Variants in KHSRP observed in about 807,000 individuals in gnomAD.
The protein encoded by KHSRP is far upstream element-binding protein 2.
Under a neutral mutation model 94.9 loss-of-function variants are expected in KHSRP, and 13 were observed. That is an observed-to-expected ratio of 0.14 (90% confidence interval 0.09 to 0.22). The LOEUF (loss-of-function observed/expected upper bound fraction) is 0.22, where lower values mean the gene tolerates loss of function less well. Among genes scored for constraint, KHSRP ranks in the 10% least tolerant of loss-of-function variants. The probability of loss-of-function intolerance (pLI) is 1.00; values close to 1 mark genes in which losing one functional copy is unlikely to be tolerated. For synonymous variants in KHSRP, 495 were observed against 401.4 expected, an observed-to-expected ratio of 1.23 and a Z score of -2.79; for missense variants, 710 against 1,010.0, an observed-to-expected ratio of 0.70 and a Z score of 4.03.
In KHSRP at chr19:6,415,859, C is replaced by T; in HGVS notation, c.1636G>A (p.Gly546Ser). Residue 546 changes from glycine (G) to serine (S), a missense_variant, in exon 16 of 19, where the codon GGC (glycine) becomes AGC (serine). Gly to Ser is a moderately conservative substitution (Grantham distance 56). Around this residue, in one of 5 missense-constraint regions of KHSRP, gnomAD observed 292 missense variants for 340.5 expected, o/e 0.86. Coordinates refer to ENST00000600480, the MANE Select transcript of KHSRP (RefSeq NM_001366299.1). Reference protein sequence around the residue: ...GPPPHQYPPQGWGNTYPQWQP... With the variant: ...GPPPHQYPPQSWGNTYPQWQP... ...CACTGGGGGTAGGTATTGCCCCAGC[C>T]CTGGGGTGGGTACTGGTGAGGAGGG... 6.4e-7 allele frequency: 1 copy of T among 1,566,930 alleles called. No individual in the cohort carries two copies. The highest frequency in any genetic ancestry group is 1.3e-5 in the African/African-American group (1 of 74,104).
Position 6,419,215 on chromosome 19 carries a change from G to T in KHSRP, c.593C>A (p.Pro198Gln). The change falls in exon 7 of 19, where the codon CCA becomes CAA. Residue 198 changes from proline (P) to glutamine (Q), a missense_variant. By Grantham distance (76) the Pro-to-Gln change is moderately conservative (BLOSUM62 -1). This residue lies in a region of KHSRP where 288 missense variants were observed against 501.1 expected (regional missense o/e 0.57). Transcript: ENST00000600480. ...PERSVSLTGA[P>Q]ESVQKAKMML... ...TGTGGGGACTTACTGGACAGATTCT[G>T]GGGCTCCTGTCAAGGACACACTGCG... is the stretch of plus-strand genomic sequence containing the variant. 6.3e-7 allele frequency: 1 copy of T among 1,584,084 alleles called. No individual in the cohort carries two copies. The highest frequency in any genetic ancestry group is 8.6e-7 in the Non-Finnish European group (1 of 1,165,296).
Position 6,424,800 on chromosome 19 carries a change from G to T in KHSRP, c.-99C>A, listed in dbSNP as rs1034173095. 8.7e-5 allele frequency: 29 copies of T among 334,276 alleles called. No homozygotes were observed. Among genetic ancestry groups the T allele is most frequent in the Non-Finnish European group, 1.2e-4 (27 of 233,134 alleles). The allele number at this position is 334,276 out of a possible 1,614,324, so 20.7% of individuals were successfully genotyped here. A position where few individuals can be genotyped will look rare whatever the true frequency, so the allele number is the denominator to read the frequency against. ...GAACAAGGCCTCGCTCCACACGGCCGCGGAGCACTCTGGGAACCCAGCCGC... is the reference window on the plus strand; with the variant it reads ...GAACAAGGCCTCGCTCCACACGGCCTCGGAGCACTCTGGGAACCCAGCCGC... On this transcript the variant is annotated 5_prime_UTR_variant, in exon 1 of 19. Transcript: ENST00000600480.
Position 6,417,726 on chromosome 19 carries a change from G to C in KHSRP, c.1081+13C>G. 2 of 1,608,812 alleles carry C rather than the reference G, an allele frequency of 1.2e-6. No individual in the cohort carries two copies. The highest frequency in any genetic ancestry group is 8.5e-7 in the Non-Finnish European group (1 of 1,175,714). On this transcript the variant is annotated intron_variant, in intron 11 of 18. Coordinates refer to ENST00000600480, the MANE Select transcript of KHSRP (RefSeq NM_001366299.1). ...GGTGCACTGGCCAGGGGCAGGGTGG[G>C]CCAGGCCCTGACCTTGCTTGAACTG... is the stretch of plus-strand genomic sequence containing the variant.
Position 6,422,254 on chromosome 19 carries a change from A to AC in KHSRP, c.346+85dup, listed in dbSNP as rs1184446265. 7 of 804,346 alleles carry AC rather than the reference A, an allele frequency of 8.7e-6. No individual in the cohort carries two copies. The Admixed American group carries it at 1.4e-4, about 16-fold the overall frequency. The allele number at this position is 804,346 out of a possible 1,614,324, so 49.8% of individuals were successfully genotyped here. ...AAAAGACCAAACAACAGTGACACCCACCCCCTCTGAACCACACTCAAACAA... is the reference window on the plus strand; with the variant it reads ...AAAAGACCAAACAACAGTGACACCCACCCCCCTCTGAACCACACTCAAACAA... On this transcript the variant is annotated intron_variant, in intron 2 of 18. Transcript: ENST00000600480.
chr19:6,414,816 C>T lies in KHSRP; in HGVS notation c.*208G>A, dbSNP rs952128720. 4.9e-5 allele frequency: 60 copies of T among 1,213,708 alleles called. No homozygotes were observed. Among genetic ancestry groups the T allele is most frequent in the African/African-American group, 4.1e-4 (26 of 63,680 alleles). The allele number at this position is 1,213,708 out of a possible 1,614,324, so 75.2% of individuals were successfully genotyped here. A position where few individuals can be genotyped will look rare whatever the true frequency, so the allele number is the denominator to read the frequency against. ...CGGCCGGGCCGGTGCCCACCGTCCG[C>T]GCTGTCTGCCTGCCCCCCGACTCCC... On this transcript the variant is annotated 3_prime_UTR_variant, in exon 19 of 19. Transcript: ENST00000600480.
At chr19:6,424,014 CCCA>C (rs976014350) in intron 1 of KHSRP, 1 of 152,432 alleles carries the variant, frequency 6.6e-6, no homozygotes, top group Non-Finnish European at 1.5e-5. Flanking sequence ...CCCTCCCACC[CCCA>C]CAATGTCCCT....
At chr19:6,422,266 C>T in intron 2 of KHSRP, 74 bp downstream of exon 2, 1 of 987,252 alleles carries the variant, frequency 1.0e-6, no homozygotes, top group Non-Finnish European at 1.6e-6. Flanking sequence ...CCCCTCTGAA[C>T]CACACTCAAA....
intron 2 of KHSRP, among the ~76,000 whole-genome samples, chr19:6,421,903 G>C (rs956717434): frequency 4.6e-5 from 7 of 152,162 alleles, no homozygotes; most frequent in African/African-American, 1.7e-4. Flanking sequence ...TTCAGAACAC[G>C]CAACCACCAC....
intron 3 of KHSRP, 90 bp downstream of exon 3, chr19:6,421,560 C>A: frequency 4.2e-6 from 6 of 1,419,218 alleles, no homozygotes; most frequent in Non-Finnish European, 6.0e-6. Context: ...CTGTAAAGAG[C>A]TGCCACCTCC....
chr19:6,417,909 A>G, intron 10 of KHSRP, 68 bp from the exon 11 acceptor site: 1 of 1,601,282 alleles, frequency 6.2e-7, no homozygotes, highest in South Asian at 1.1e-5. Flanking sequence ...CACTGGCCAC[A>G]AGGAGCCACT....
chr19:6,414,931 C>T lies in KHSRP; in HGVS notation c.*93G>A, dbSNP rs964886139. The T allele has an allele frequency of 2.6e-5, 36 of 1,409,476 alleles. No individual in the cohort carries two copies. The highest frequency in any genetic ancestry group is 6.3e-5 in the Admixed American group (2 of 31,682). The allele number at this position is 1,409,476 out of a possible 1,614,324, so 87.3% of individuals were successfully genotyped here. On this transcript the variant is annotated 3_prime_UTR_variant, in exon 19 of 19. Coordinates refer to ENST00000600480, the MANE Select transcript of KHSRP (RefSeq NM_001366299.1). Reference sequence around the variant, plus strand: ...GAACAAGCAGCCGGCGCAGGGAGGCCTCTTCGTTTAACCTCTGGACCCAGC... The same window carrying T: ...GAACAAGCAGCCGGCGCAGGGAGGCTTCTTCGTTTAACCTCTGGACCCAGC...
chr19:6,424,667 C>A lies in KHSRP; in HGVS notation c.35G>T (p.Gly12Val). 1 of 1,024,800 alleles carries A rather than the reference C, an allele frequency of 9.8e-7. No individual in the cohort carries two copies. The highest frequency in any genetic ancestry group is 1.2e-6 in the Non-Finnish European group (1 of 856,766). The allele number at this position is 1,024,800 out of a possible 1,614,324, so 63.5% of individuals were successfully genotyped here. A position where few individuals can be genotyped will look rare whatever the true frequency, so the allele number is the denominator to read the frequency against. The stretch of plus-strand genomic sequence containing the variant: ...GCCCCCGCCGGCGGGCGGCGGCGGC[C>A]CGGGCGGGGGTCCTCCCGTGCTGTA... The part of the protein sequence containing the change: ...SDYSTGGPPP[G>V]PPPPAGGGGG... The change falls in exon 1 of 19, where the codon GGG becomes GTG. Residue 12 changes from glycine (G) to valine (V), a missense_variant. Gly to Val is a moderately radical substitution (Grantham distance 109). Around this residue, in one of 5 missense-constraint regions of KHSRP, gnomAD observed 92 missense variants for 80.8 expected, o/e 1.14. Coordinates refer to ENST00000600480, the MANE Select transcript of KHSRP (RefSeq NM_001366299.1).
In KHSRP at chr19:6,414,290, T is replaced by C. The variant is rs2092124191; in HGVS notation, c.*734A>G. The C allele has an allele frequency of 2.9e-6, 4 of 1,401,940 alleles. No homozygotes were observed. The South Asian group carries it at 5.1e-5, about 18-fold the overall frequency. 86.8% of individuals were successfully genotyped at this position (1,401,940 alleles called of 1,614,324 possible). A position where few individuals can be genotyped will look rare whatever the true frequency, so the allele number is the denominator to read the frequency against. On this transcript the variant is annotated 3_prime_UTR_variant, in exon 19 of 19. Transcript: ENST00000600480. ...CGTGCTTGTTAACTGTCTAGCCAGGTGCTCGCGGGACTCGCTGAAGTCACG... is the reference window on the plus strand; with the variant it reads ...CGTGCTTGTTAACTGTCTAGCCAGGCGCTCGCGGGACTCGCTGAAGTCACG...
At position 6,413,733 on chromosome 19, in the gene KHSRP, G is replaced by C. The variant is rs547581070; in HGVS notation, c.*1291C>G. 1 of 152,884 alleles carries C rather than the reference G, an allele frequency of 6.5e-6. No homozygotes were observed. The highest frequency in any genetic ancestry group is 2.0e-4 in the South Asian group (1 of 5,080). The allele number at this position is 152,884 out of a possible 1,614,324, so 9.5% of individuals were successfully genotyped here. A position where few individuals can be genotyped will look rare whatever the true frequency, so the allele number is the denominator to read the frequency against. ...CTTTATCCTCAGAGAGGCAGGTTCAGGAAGGCTGGGGGGTGAAGAATAGAG... is the reference window on the plus strand; with the variant it reads ...CTTTATCCTCAGAGAGGCAGGTTCACGAAGGCTGGGGGGTGAAGAATAGAG... On this transcript the variant is annotated 3_prime_UTR_variant, in exon 19 of 19. Coordinates refer to ENST00000600480, the MANE Select transcript of KHSRP (RefSeq NM_001366299.1).
intron 5 of KHSRP, 90 bp downstream of exon 5, chr19:6,420,332 C>A: frequency 7.4e-7 from 1 of 1,350,460 alleles, no homozygotes. Context: ...GGAGCCCTCT[C>A]AGACCAGGGC....
Position 6,424,739 on chromosome 19 carries a change from T to TGAGGAGGCG in KHSRP, c.-47_-39dup. 1.0e-6 allele frequency: 1 copy of TGAGGAGGCG among 952,874 alleles called. No homozygotes were observed. The highest frequency in any genetic ancestry group is 1.3e-6 in the Non-Finnish European group (1 of 785,298). The allele number at this position is 952,874 out of a possible 1,614,324, so 59.0% of individuals were successfully genotyped here. A position where few individuals can be genotyped will look rare whatever the true frequency, so the allele number is the denominator to read the frequency against. On this transcript the variant is annotated 5_prime_UTR_variant, in exon 1 of 19. Transcript: ENST00000600480. Reference sequence around the variant, plus strand: ...CCGGGCCTGGCGCGGAGGCTGAAGCTGAGGAGGCGGCGGCGGCGGCGGCGG... The same window carrying TGAGGAGGCG: ...CCGGGCCTGGCGCGGAGGCTGAAGCTGAGGAGGCGGAGGAGGCGGCGGCGGCGGCGGCGG...
At chr19:6,420,621 T>C (rs1376817905) in intron 4 of KHSRP, 150 bp from the exon 5 acceptor site, 6 of 731,768 alleles carry the variant, frequency 8.2e-6, no homozygotes, top group Non-Finnish European at 1.4e-5. Context: ...AGTTTCCCCA[T>C]CTGTGCCCCG....
Position 6,417,398 on chromosome 19 carries a change from A to C in KHSRP, c.1082-311T>G, listed in dbSNP as rs564646353. 3.2e-4 allele frequency among the ~76,000 whole-genome samples: 48 copies of C among 152,350 alleles called. No homozygotes were observed. In the South Asian group the frequency reaches 8.5e-3, roughly 27 times the overall value. On this transcript the variant is annotated intron_variant, in intron 11 of 18. Coordinates refer to ENST00000600480, the MANE Select transcript of KHSRP (RefSeq NM_001366299.1). ...CCCTTCTCCCCACGGCAGGCAGCTC[A>C]GAGACTGCCTGAGGACTGGCAAGAG...
In KHSRP at chr19:6,417,071, G is replaced by A. The variant is rs778512909; in HGVS notation, c.1098C>T (p.Pro366=). 48 of 1,611,774 alleles carry A rather than the reference G, an allele frequency of 3.0e-5. No individual in the cohort carries two copies. The highest frequency in any genetic ancestry group is 1.7e-4 in the Middle Eastern group (1 of 5,960). ...IQFKQDDGTG[P]EKIAHIMGPP... ...GCCCCATTATATGAGCAATCTTCTCGGGCCCTGTCCCGTCATCTGAGGCCA... is the reference window on the plus strand; with the variant it reads ...GCCCCATTATATGAGCAATCTTCTCAGGCCCTGTCCCGTCATCTGAGGCCA... Residue 366 remains proline (P), a synonymous_variant, in exon 12 of 19, where the codon CCC becomes CCT. Coordinates refer to ENST00000600480, the MANE Select transcript of KHSRP (RefSeq NM_001366299.1).
Sources: gnomAD v4.1 joint callset for allele counts (sites outside exome capture counted in the v4.1 genomes callset) on GRCh38, gnomAD v4.1.1 for gene constraint, gnomAD v4.1.1 regional missense constraint, MANE v1.5 for transcripts, NCBI Gene and HGNC (gene_info 2026-07-23, HGNC 2026-07-21) for gene names.